Variants in HOXC6 observed in about 807,000 individuals in gnomAD.
The protein encoded by HOXC6 is homeobox C6.
HOXC6 carries 10 observed loss-of-function variants against 24.0 expected under a neutral mutation model. That is an observed-to-expected ratio of 0.42 (90% confidence interval 0.26 to 0.71). HOXC6 has a LOEUF of 0.71. Ranked by LOEUF, HOXC6 falls within the 30% of genes least tolerant of loss-of-function variation. The probability of loss-of-function intolerance (pLI) is 0.28; values close to 1 mark genes in which losing one functional copy is unlikely to be tolerated. For missense variants in HOXC6, 258 were observed against 303.4 expected (o/e 0.85, Z 1.11); for synonymous variants, 123 against 128.1 (o/e 0.96, Z 0.27).
upstream of HOXC6, chr12:54,028,438 C>T (rs767009036): frequency 1.9e-5 from 28 of 1,449,392 alleles, no homozygotes; most frequent in Non-Finnish European, 2.4e-5. Flanking sequence ...GGAGCCGTCC[C>T]TATAACCATC....
chr12:54,018,314 A>G (rs370201010), intron 1 of HOXC6, among the ~76,000 whole-genome samples: 296 of 151,926 alleles, frequency 1.9e-3, no homozygotes, highest in Admixed American at 3.7e-3. Context: ...CTCGCCACGC[A>G]TGGCTGCTCT....
chr12:54,027,121 C>A (rs1371841807), upstream of HOXC6, among the ~76,000 whole-genome samples: 4 of 152,248 alleles, frequency 2.6e-5, no homozygotes, highest in African/African-American at 9.6e-5. Flanking sequence ...TGTTTCAGTT[C>A]GCCTACTGCG....
chr12:54,017,546 G>A (rs952035812), intron 1 of HOXC6: 10 of 152,098 alleles, frequency 6.6e-5, no homozygotes, highest in Non-Finnish European at 1.5e-4. Flanking sequence ...GTTAATTATG[G>A]GGAGGAAAAT....
chr12:54,029,988 C>T lies in HOXC6; in HGVS notation c.*26C>T. On this transcript the variant is annotated 3_prime_UTR_variant, in exon 2 of 2. Transcript: ENST00000243108. ...CCAGGACTGTCCCTGCCACCCCTCT[C>T]TCCCTTTCTCCCTCGCTCCCCACCA... 6.7e-7 allele frequency: 1 copy of T among 1,488,406 alleles called. No individual in the cohort carries two copies. Among genetic ancestry groups the T allele is most frequent in the Non-Finnish European group, 9.0e-7 (1 of 1,115,362 alleles). 92.2% of individuals were successfully genotyped at this position (1,488,406 alleles called of 1,614,324 possible).
At chr12:54,026,341 C>G (rs1404598359), upstream of HOXC6, among the ~76,000 whole-genome samples, 1 of 152,234 alleles carries the variant, frequency 6.6e-6, no homozygotes. Flanking sequence ...CTGTTGGAAA[C>G]CTCTGCTCAG....
intron 1 of HOXC6, among the ~76,000 whole-genome samples, chr12:54,023,130 G>C (rs1346735926): frequency 6.6e-6 from 1 of 152,112 alleles, no homozygotes; most frequent in African/African-American, 2.4e-5. Flanking sequence ...CTCTCCCCAA[G>C]CCCCCTCCTC....
At chr12:54,019,672 T>TC (rs1462295736) in intron 1 of HOXC6, among the ~76,000 whole-genome samples, 1 of 151,906 alleles carries the variant, frequency 6.6e-6, no homozygotes, top group Admixed American at 6.5e-5. Context: ...AAGGGCCCCC[T>TC]CCCACCCGAG....
At chr12:54,018,143 G>T (rs1013547999) in intron 1 of HOXC6, among the ~76,000 whole-genome samples, 2 of 152,206 alleles carry the variant, frequency 1.3e-5, no homozygotes, top group Non-Finnish European at 2.9e-5. Flanking sequence ...TGCGTTGGGT[G>T]GAGGGTGGAG....
chr12:54,026,151 C>A (rs1241427537), upstream of HOXC6, among the ~76,000 whole-genome samples: 3 of 152,252 alleles, frequency 2.0e-5, no homozygotes, highest in Non-Finnish European at 4.4e-5. Flanking sequence ...CTCTCTCTTC[C>A]GGCCTCTTCT....
chr12:54,026,037 A>G (rs963159731), upstream of HOXC6, among the ~76,000 whole-genome samples: 18 of 152,186 alleles, frequency 1.2e-4, no homozygotes, highest in Non-Finnish European at 2.6e-4. Flanking sequence ...CCATCATTCA[A>G]TTTGTTGTAC....
chr12:54,022,875 A>G (rs1235423443), intron 1 of HOXC6, among the ~76,000 whole-genome samples: 1 of 152,236 alleles, frequency 6.6e-6, no homozygotes, highest in Non-Finnish European at 1.5e-5. Context: ...GTGGAGGGGT[A>G]TAGAAGAAGC....
At chr12:54,026,965 G>GT (rs1491244051), upstream of HOXC6, among the ~76,000 whole-genome samples, 557 of 45,172 alleles carry the variant, frequency 0.012, 4 homozygotes, top group Non-Finnish European at 0.019. Flanking sequence ...CAAAAATGGT[G>GT]GGGGGGGGGG....
chr12:54,023,644 C>G (rs575071936), upstream of HOXC6, among the ~76,000 whole-genome samples: 10 of 152,288 alleles, frequency 6.6e-5, no homozygotes, highest in African/African-American at 2.4e-4. Flanking sequence ...CCCCAGCTCC[C>G]TTCAACTGGT....
intron 1 of HOXC6, among the ~76,000 whole-genome samples, chr12:54,023,138 C>T (rs542107915): frequency 6.6e-6 from 1 of 152,350 alleles, no homozygotes; most frequent in African/African-American, 2.4e-5. Context: ...AAGCCCCCTC[C>T]TCAGCTAATA....
At chr12:54,025,752 T>G (rs1326149269), upstream of HOXC6, among the ~76,000 whole-genome samples, 1 of 152,200 alleles carries the variant, frequency 6.6e-6, no homozygotes, top group African/African-American at 2.4e-5. Context: ...GCTCACATTC[T>G]GCCTCTCAGG....
At position 54,028,784 on chromosome 12, in the gene HOXC6, G is replaced by T; in HGVS notation, c.263G>T (p.Arg88Ile). Residue 88 changes from arginine (R) to isoleucine (I), a missense_variant, in exon 1 of 2, where the codon AGA (arginine) becomes ATA (isoleucine). Coordinates refer to ENST00000243108, the MANE Select transcript of HOXC6 (RefSeq NM_004503.4). ...YQEKDMLSNC[R>I]QNTLGHNTQT... is the part of the protein sequence containing the mutation. ...GAGAAAGACATGCTCTCAAACTGCA[G>T]ACAAAACACCTTAGGACATAACACA... 6.2e-7 allele frequency: 1 copy of T among 1,614,140 alleles called. No homozygotes were observed. The highest frequency in any genetic ancestry group is 8.5e-7 in the Non-Finnish European group (1 of 1,180,032).
Position 54,018,808 on chromosome 12 carries a change from A to G in HOXC6, c.-193+1394A>G, listed in dbSNP as rs114026499. 9.5e-3 allele frequency among the ~76,000 whole-genome samples: 1,452 copies of G among 152,144 alleles called. 24 individuals carry two copies. Among genetic ancestry groups the G allele is most frequent in the African/African-American group, 0.033 (1,388 of 41,492 alleles). ...AGGTCCGAGAGAACCTGGGGGCCAGACTTACCTTAATCTAAGCCAAGACAC... is the reference window on the plus strand; with the variant it reads ...AGGTCCGAGAGAACCTGGGGGCCAGGCTTACCTTAATCTAAGCCAAGACAC... On this transcript the variant is annotated intron_variant, in intron 1 of 2. Coordinates refer to the HOXC6 transcript ENST00000394331.
rs372813456 is a variant in HOXC6, at chr12:54,029,739, T to G, written c.485T>G (p.Phe162Cys). 1 of 1,614,142 alleles carries G rather than the reference T, an allele frequency of 6.2e-7. No homozygotes were observed. Among genetic ancestry groups the G allele is most frequent in the Non-Finnish European group, 8.5e-7 (1 of 1,180,020 alleles). Residue 162 changes from phenylalanine (F) to cysteine (C), a missense_variant, in exon 2 of 2, where the codon TTC becomes TGC. Physicochemically the swap from Phe to Cys is radical, Grantham distance 205. Coordinates refer to ENST00000243108, the MANE Select transcript of HOXC6 (RefSeq NM_004503.4). ...CTGGAACTGGAGAAGGAATTTCACT[T>G]CAATCGCTACCTAACGCGGCGCCGG... ...QTLELEKEFH[F>C]NRYLTRRRRI...
chr12:54,024,386 C>T (rs1485162170), upstream of HOXC6, among the ~76,000 whole-genome samples: 1 of 151,896 alleles, frequency 6.6e-6, no homozygotes, highest in East Asian at 1.9e-4. Context: ...AGTTGCAGCG[C>T]GGCAGTCAGG....
Sources: gnomAD v4.1 joint callset for allele counts (sites outside exome capture counted in the v4.1 genomes callset) on GRCh38, gnomAD v4.1.1 for gene constraint, MANE v1.5 for transcripts, NCBI Gene and HGNC (gene_info 2026-07-23, HGNC 2026-07-21) for gene names.